The following FAM13A variants were observed in gnomAD, a reference collection of about 807,000 sequenced individuals.
FAM13A encodes family with sequence similarity 13 member A, also known as protein FAM13A.
A neutral mutation model predicts 129.6 loss-of-function variants in FAM13A; 76 were observed. That is an observed-to-expected ratio of 0.59 (90% confidence interval 0.49 to 0.71). The LOEUF (loss-of-function observed/expected upper bound fraction) is 0.71. FAM13A is among the 30% of genes least tolerant of loss of function. The pLI is 0.00. For synonymous variants in FAM13A, 443 were observed against 449.9 expected (o/e 0.98, Z 0.20); for missense variants, 1,108 against 1,249.3 (o/e 0.89, Z 1.70).
intron 7 of FAM13A, among the ~76,000 whole-genome samples, chr4:88,829,428 G>C (rs912147146): frequency 6.6e-6 from 1 of 152,166 alleles, no homozygotes; most frequent in South Asian, 2.1e-4. Context: ...GACAGAGTGA[G>C]TCTCAGGCAA....
intron 14 of FAM13A, among the ~76,000 whole-genome samples, chr4:88,756,534 A>T (rs991059613): frequency 1.3e-5 from 2 of 152,160 alleles, no homozygotes; most frequent in Non-Finnish European, 2.9e-5. Context: ...ACCAAAAAAG[A>T]GGGGATGGTG....
At chr4:88,866,719 C>A (rs1740525508) in intron 6 of FAM13A, among the ~76,000 whole-genome samples, 1 of 151,840 alleles carries the variant, frequency 6.6e-6, no homozygotes, top group South Asian at 2.1e-4. Context: ...TTGATAGTGC[C>A]CTATGCTTGA....
chr4:88,731,924 T>C, intron 22 of FAM13A, 78 bp downstream of exon 22: 1 of 1,118,156 alleles, frequency 8.9e-7, no homozygotes. Flanking sequence ...CTAATTTATT[T>C]AGATACAAAG....
chr4:88,981,822 T>C (rs1196773578), intron 4 of FAM13A, among the ~76,000 whole-genome samples: 3 of 151,974 alleles, frequency 2.0e-5, no homozygotes, highest in Non-Finnish European at 4.4e-5. Context: ...GATGAAGAAA[T>C]GTGTTCCATG....
chr4:88,935,475 C>G (rs887234488), intron 5 of FAM13A, among the ~76,000 whole-genome samples: 2 of 152,128 alleles, frequency 1.3e-5, no homozygotes, highest in African/African-American at 4.8e-5. Context: ...GTCCCTGTTA[C>G]TCTTGGGTCT....
intron 1 of FAM13A, among the ~76,000 whole-genome samples, chr4:89,048,316 C>T (rs1560952043): frequency 6.6e-6 from 1 of 152,084 alleles, no homozygotes; most frequent in Non-Finnish European, 1.5e-5. Flanking sequence ...TATGCTAATA[C>T]ATGCTACAAC....
At chr4:88,787,543 G>C (rs565731212) in intron 10 of FAM13A, among the ~76,000 whole-genome samples, 1 of 152,244 alleles carries the variant, frequency 6.6e-6, no homozygotes, top group African/African-American at 2.4e-5. Flanking sequence ...CAAATGTCTG[G>C]ATGAAACGGA....
intron 3 of FAM13A, 115 bp from the exon 4 acceptor site, chr4:88,991,265 GA>G: frequency 2.9e-6 from 2 of 701,182 alleles, no homozygotes; most frequent in Non-Finnish European, 4.6e-6. Flanking sequence ...TTGAGAGACT[GA>G]GATAGGCCTT....
intron 7 of FAM13A, among the ~76,000 whole-genome samples, chr4:88,834,973 T>G (rs939246005): frequency 1.3e-5 from 2 of 152,218 alleles, no homozygotes; most frequent in Non-Finnish European, 2.9e-5. Context: ...TTTTTCCTAG[T>G]GAATTTTACT....
chr4:88,897,025 C>A (rs1049888417), intron 6 of FAM13A, among the ~76,000 whole-genome samples: 5 of 152,132 alleles, frequency 3.3e-5, no homozygotes, highest in African/African-American at 1.2e-4. Context: ...GAAGGAAGAT[C>A]GTTTTCTTCC....
chr4:88,938,755 G>T (rs918263164), intron 4 of FAM13A, among the ~76,000 whole-genome samples: 3 of 152,142 alleles, frequency 2.0e-5, no homozygotes, highest in Non-Finnish European at 4.4e-5. Flanking sequence ...TCTTTTGAAT[G>T]TACTTAAAAT....
chr4:88,772,961 T>C (rs554557002), intron 11 of FAM13A, among the ~76,000 whole-genome samples: 3 of 152,306 alleles, frequency 2.0e-5, no homozygotes. Flanking sequence ...TAGAAGAGTA[T>C]TCACTTTTCA....
intron 1 of FAM13A, among the ~76,000 whole-genome samples, chr4:89,054,652 A>G (rs1405547203): frequency 1.3e-5 from 2 of 152,120 alleles, no homozygotes; most frequent in Non-Finnish European, 2.9e-5. Context: ...AAGAAATGCA[A>G]TTGTCTTAAG....
intron 6 of FAM13A, 72 bp from the exon 7 acceptor site, chr4:88,851,255 T>A (rs1737527794): frequency 7.5e-7 from 1 of 1,339,450 alleles, no homozygotes; most frequent in Non-Finnish European, 1.0e-6. Context: ...AAGTTTATGA[T>A]AAAAGACAAT....
At chr4:88,962,414 T>C (rs888835066) in intron 4 of FAM13A, among the ~76,000 whole-genome samples, 23 of 152,066 alleles carry the variant, frequency 1.5e-4, no homozygotes, top group Non-Finnish European at 3.2e-4. Context: ...AGTGCAAGGA[T>C]AAGAGAAAAA....
At chr4:88,734,281 AG>A (rs1374361932) in intron 21 of FAM13A, among the ~76,000 whole-genome samples, 1 of 152,242 alleles carries the variant, frequency 6.6e-6, no homozygotes, top group African/African-American at 2.4e-5. Flanking sequence ...TAATGACTGA[AG>A]GGTGACATGA....
At chr4:88,941,053 A>G (rs1754679971) in intron 4 of FAM13A, among the ~76,000 whole-genome samples, 1 of 152,154 alleles carries the variant, frequency 6.6e-6, no homozygotes, top group Admixed American at 6.6e-5. Flanking sequence ...ATAAATCATG[A>G]CTTAGAGGGC....
chr4:88,936,017 A>G (rs184308235), intron 5 of FAM13A, among the ~76,000 whole-genome samples: 1 of 152,340 alleles, frequency 6.6e-6, no homozygotes, highest in East Asian at 1.9e-4. Context: ...ATCTGCCTCT[A>G]GGCCGATCTG....
rs756747295 is a variant in FAM13A, at chr4:88,768,066, C to A, written c.1459-7G>T. The A allele has an allele frequency of 2.5e-6, 4 of 1,573,786 alleles. No individual in the cohort carries two copies. In the Admixed American group the frequency reaches 5.0e-5, roughly 20 times the overall value. ...AATTGAGACTTTCCATATTCTGTAA[C>A]AGAACCATTATTGGTTGCCTAATAG... On this transcript the variant is annotated splice_region_variant and splice_polypyrimidine_tract_variant and intron_variant, in intron 11 of 23. Coordinates refer to ENST00000264344, the MANE Select transcript of FAM13A (RefSeq NM_014883.4).
Sources: gnomAD v4.1 joint callset for allele counts (sites outside exome capture counted in the v4.1 genomes callset) on GRCh38, gnomAD v4.1.1 for gene constraint, MANE v1.5 for transcripts, NCBI Gene and HGNC (gene_info 2026-07-23, HGNC 2026-07-21) for gene names.